MED12L: variants seen among roughly 807,000 people sequenced by gnomAD.
MED12L encodes mediator of RNA polymerase II transcription subunit 12-like protein.
In MED12L, 60 loss-of-function variants were observed where a neutral mutation model predicts 281.3. That is an observed-to-expected ratio of 0.21 (90% CI 0.17 to 0.26). The LOEUF (loss-of-function observed/expected upper bound fraction) is 0.26, where lower values mean the gene tolerates loss of function less well. Ranked by LOEUF, MED12L falls within the 10% of genes least tolerant of loss-of-function variation. The pLI is 1.00. For synonymous variants in MED12L, 974 were observed against 987.2 expected (o/e 0.99, Z 0.25); for missense variants, 2,146 against 2,680.9 (o/e 0.80, Z 4.41).
intron 16 of MED12L, among the ~76,000 whole-genome samples, chr3:151,247,550 G>A (rs1295796253): frequency 2.7e-5 from 4 of 147,934 alleles, no homozygotes; most frequent in Admixed American, 2.1e-4. Context: ...CTCATAGGTG[G>A]GAATTGAACA....
At chr3:151,338,619 G>C in intron 16 of MED12L, 1 of 1,613,988 alleles carries the variant, frequency 6.2e-7, no homozygotes, top group Non-Finnish European at 8.5e-7. Flanking sequence ...GAATGGAAAA[G>C]TCAGAATCAT....
chr3:151,269,442 A>ACACACACACAC (rs1559962872), intron 16 of MED12L: 57 of 178,062 alleles, frequency 3.2e-4, no homozygotes, highest in African/African-American at 2.4e-3. Flanking sequence ...CACACACACA[A>ACACACACACAC]AATTCAGAGA....
chr3:151,199,004 G>A, intron 16 of MED12L: 1 of 1,614,122 alleles, frequency 6.2e-7, no homozygotes. Context: ...GGCAAATCCG[G>A]GTTCTTGTAT....
intron 16 of MED12L, chr3:151,328,027 A>G: frequency 6.3e-7 from 1 of 1,592,308 alleles, no homozygotes; most frequent in Non-Finnish European, 8.5e-7. Flanking sequence ...GACTGCTATG[A>G]TTTTCTTGGC....
intron 16 of MED12L, among the ~76,000 whole-genome samples, chr3:151,196,702 T>G (rs1303116443): frequency 6.6e-6 from 1 of 152,236 alleles, no homozygotes. Context: ...CTGCTGGAGT[T>G]TCTGTCATTA....
chr3:151,386,672 G>T (rs1011599681), intron 36 of MED12L, among the ~76,000 whole-genome samples: 1 of 151,382 alleles, frequency 6.6e-6, no homozygotes, highest in Admixed American at 6.6e-5. Context: ...CACCTCCCGG[G>T]TTCAAGCAAT....
At chr3:151,368,700 A>ATTTTTTTTTTTTTTT (rs1560087739) in intron 25 of MED12L, among the ~76,000 whole-genome samples, 5 of 25,862 alleles carry the variant, frequency 1.9e-4, no homozygotes, top group Non-Finnish European at 3.1e-4. Flanking sequence ...ATTTCATTTC[A>ATTTTTTTTTTTTTTT]TTTCATTTCA....
chr3:151,390,901 A>G (rs1714134248), intron 38 of MED12L, among the ~76,000 whole-genome samples: 1 of 152,196 alleles, frequency 6.6e-6, no homozygotes, highest in Non-Finnish European at 1.5e-5. Context: ...ATTAATGGTT[A>G]AAGGAACTGG....
intron 16 of MED12L, among the ~76,000 whole-genome samples, chr3:151,312,835 T>G (rs1486325043): frequency 6.6e-6 from 1 of 152,242 alleles, no homozygotes; most frequent in Non-Finnish European, 1.5e-5. Flanking sequence ...CTGTGCCGCC[T>G]TCTTCTGTAA....
intron 2 of MED12L, among the ~76,000 whole-genome samples, chr3:151,090,945 G>A (rs572457931): frequency 3.5e-4 from 54 of 152,282 alleles, no homozygotes; most frequent in African/African-American, 1.2e-3. Flanking sequence ...GGAGGCTGAG[G>A]CAGGAGAATC....
intron 2 of MED12L, among the ~76,000 whole-genome samples, chr3:151,091,139 TG>T (rs1719992708): frequency 6.6e-6 from 1 of 151,614 alleles, no homozygotes; most frequent in Non-Finnish European, 1.5e-5. Flanking sequence ...GTTAGAAAAA[TG>T]GGTTGGGGCA....
At chr3:151,376,903 T>C (rs1452714339) in intron 29 of MED12L, 29 bp downstream of exon 29, 1 of 1,612,204 alleles carries the variant, frequency 6.2e-7, no homozygotes. Context: ...CTTATCTCTG[T>C]ATGAAATTTT....
chr3:151,409,467 ATTG>A, intron 40 of MED12L, 135 bp downstream of exon 40: 6 of 734,764 alleles, frequency 8.2e-6, no homozygotes, highest in Admixed American at 7.7e-5. Flanking sequence ...ATAGATTATA[ATTG>A]ATATTTCAAA....
At chr3:151,347,703 G>C (rs945577970) in intron 16 of MED12L, among the ~76,000 whole-genome samples, 1 of 152,162 alleles carries the variant, frequency 6.6e-6, no homozygotes, top group Admixed American at 6.6e-5. Flanking sequence ...TGCAGAGGAG[G>C]AGGGGAAGTC....
chr3:151,159,270 A>G (rs1403592863), intron 7 of MED12L, among the ~76,000 whole-genome samples: 1 of 152,252 alleles, frequency 6.6e-6, no homozygotes, highest in Non-Finnish European at 1.5e-5. Context: ...ATTTAAAAAA[A>G]TTCTTACGTG....
chr3:151,151,030 G>GTTTTTTTTTTT (rs1342933481), intron 5 of MED12L, among the ~76,000 whole-genome samples: 11 of 11,800 alleles, frequency 9.3e-4, no homozygotes, highest in South Asian at 1.8e-3. Context: ...TGCTGAAGTA[G>GTTTTTTTTTTT]CTTTTTTTTT....
chr3:151,215,681 T>A (rs1728070588), intron 16 of MED12L, among the ~76,000 whole-genome samples: 1 of 152,212 alleles, frequency 6.6e-6, no homozygotes, highest in Admixed American at 6.5e-5. Context: ...TCGGAACAGA[T>A]GTTTACTGCC....
At chr3:151,283,771 T>C (rs867794600) in intron 16 of MED12L, among the ~76,000 whole-genome samples, 7 of 152,240 alleles carry the variant, frequency 4.6e-5, no homozygotes, top group African/African-American at 1.7e-4. Context: ...TAAAGATAAA[T>C]GAGATAATGG....
intron 2 of MED12L, among the ~76,000 whole-genome samples, chr3:151,093,925 T>C (rs143226060): frequency 6.6e-6 from 1 of 152,296 alleles, no homozygotes; most frequent in African/African-American, 2.4e-5. Context: ...CTTGGACTAG[T>C]ACCTGAGGAG....
Sources: allele counts gnomAD v4.1 joint callset (sites outside exome capture counted in the v4.1 genomes callset), GRCh38; gene constraint gnomAD v4.1.1; transcripts MANE v1.5; gene names NCBI Gene and HGNC (gene_info 2026-07-23, HGNC 2026-07-21).